The following TMEM267 variants were observed in gnomAD, a reference collection of about 807,000 sequenced individuals.
The protein encoded by TMEM267 is transmembrane protein C5orf28.
A neutral mutation model predicts 19.3 loss-of-function variants in TMEM267; 20 were observed. The observed-to-expected ratio is 1.04, with a 90% CI of 0.73 to 1.51. The LOEUF is 1.51. TMEM267 is among the 40% of genes most tolerant of loss of function. The probability of loss-of-function intolerance (pLI) is 0.00; values close to 1 mark genes in which losing one functional copy is unlikely to be tolerated. For missense variants in TMEM267, 242 were observed against 261.9 expected, an observed-to-expected ratio of 0.92 and a Z score of 0.52; for synonymous variants, 88 against 90.3, an observed-to-expected ratio of 0.97 and a Z score of 0.15.
Position 43,476,508 on chromosome 5 carries a change from C to CTTT in TMEM267, c.-75+7311_-75+7313dup, listed in dbSNP as rs67848213. On this transcript the variant is annotated intron_variant, in intron 1 of 2. Coordinates refer to ENST00000397080, the MANE Select transcript of TMEM267 (RefSeq NM_022483.5). ...ATCCTAACTGATACAAAAGCCAGAC[C>CTTT]TTTTTTTTTTTTTTTTTTTTTTTTT... Among the ~76,000 whole-genome samples, 44 of 54,824 alleles carry CTTT rather than the reference C, an allele frequency of 8.0e-4. 2 individuals carry two copies. The highest frequency in any genetic ancestry group is 1.6e-3 in the African/African-American group (20 of 12,826). The allele number at this position is 54,824 out of a possible 152,430, so 36.0% of individuals were successfully genotyped here.
intron 1 of TMEM267, among the ~76,000 whole-genome samples, chr5:43,479,022 A>G (rs146337731): frequency 1.3e-5 from 2 of 151,212 alleles, no homozygotes; most frequent in African/African-American, 4.8e-5. Flanking sequence ...TAAGGAAATA[A>G]TTAGATAAAT....
chr5:43,462,669 A>C (rs907940981), intron 1 of TMEM267, among the ~76,000 whole-genome samples: 1 of 152,166 alleles, frequency 6.6e-6, no homozygotes, highest in Non-Finnish European at 1.5e-5. Flanking sequence ...ACAGTCATTT[A>C]ATAACAAAAC....
chr5:43,481,565 CTG>C (rs771336150), intron 1 of TMEM267, among the ~76,000 whole-genome samples: 7 of 152,118 alleles, frequency 4.6e-5, no homozygotes, highest in Middle Eastern at 3.2e-3. Flanking sequence ...TTACAAAAAA[CTG>C]TATCACGGTT....
chr5:43,447,894 G>A (rs1742352295), intron 2 of TMEM267, among the ~76,000 whole-genome samples: 1 of 152,158 alleles, frequency 6.6e-6, no homozygotes, highest in African/African-American at 2.4e-5. Context: ...AAGGACTTAA[G>A]AGTGGACCTT....
At chr5:43,480,730 A>G (rs1018420319) in intron 1 of TMEM267, among the ~76,000 whole-genome samples, 2 of 149,092 alleles carry the variant, frequency 1.3e-5, no homozygotes, top group African/African-American at 5.0e-5. Context: ...CCAGTGCATT[A>G]TATTTTCTTT....
chr5:43,475,061 T>C (rs916285992), intron 1 of TMEM267, among the ~76,000 whole-genome samples: 2 of 152,170 alleles, frequency 1.3e-5, no homozygotes, highest in Non-Finnish European at 2.9e-5. Context: ...CATTCTACTA[T>C]AAAGACTCAT....
intron 1 of TMEM267, among the ~76,000 whole-genome samples, chr5:43,479,179 T>C (rs781012596): frequency 2.2e-4 from 33 of 151,932 alleles, no homozygotes; most frequent in Non-Finnish European, 3.7e-4. Context: ...TTTACTGAAA[T>C]AGAAAGATGT....
intron 1 of TMEM267, among the ~76,000 whole-genome samples, chr5:43,456,323 A>G (rs1362912310): frequency 6.6e-6 from 1 of 152,248 alleles, no homozygotes; most frequent in Non-Finnish European, 1.5e-5. Flanking sequence ...AAACATAAAA[A>G]GATAAAATTT....
chr5:43,448,059 G>A (rs1014294730), intron 2 of TMEM267, among the ~76,000 whole-genome samples: 2 of 152,040 alleles, frequency 1.3e-5, no homozygotes, highest in Non-Finnish European at 2.9e-5. Flanking sequence ...ACAATGTTCC[G>A]ACCACATGAA....
In TMEM267 at chr5:43,445,120, T is replaced by C. The variant is rs914875898; in HGVS notation, c.*1102A>G. On this transcript the variant is annotated 3_prime_UTR_variant, in exon 3 of 3. Coordinates refer to ENST00000397080, the MANE Select transcript of TMEM267 (RefSeq NM_022483.5). ...GCAGGTACCTTTAGGGCACTGACTT[T>C]AATAAACTGTGCAAATATAAGATGT... 6.6e-6 allele frequency: 1 copy of C among 152,166 alleles called. No individual in the cohort carries two copies. The highest frequency in any genetic ancestry group is 6.6e-5 in the Admixed American group (1 of 15,266). 9.4% of individuals were successfully genotyped at this position (152,166 alleles called of 1,614,324 possible).
At chr5:43,474,115 C>T (rs1352576826) in intron 1 of TMEM267, among the ~76,000 whole-genome samples, 2 of 152,100 alleles carry the variant, frequency 1.3e-5, no homozygotes, top group Non-Finnish European at 2.9e-5. Context: ...AAAATTAACT[C>T]AAGATGGATT....
chr5:43,456,709 A>T (rs988955898), intron 1 of TMEM267, among the ~76,000 whole-genome samples: 1 of 152,216 alleles, frequency 6.6e-6, no homozygotes, highest in Non-Finnish European at 1.5e-5. Flanking sequence ...TAGATATCAC[A>T]CACCTGTTAA....
intron 1 of TMEM267, among the ~76,000 whole-genome samples, chr5:43,463,146 G>A (rs1161104353): frequency 2.0e-5 from 3 of 152,166 alleles, no homozygotes; most frequent in African/African-American, 4.8e-5. Context: ...TACCATCAGA[G>A]AATACTAGAA....
intron 1 of TMEM267, among the ~76,000 whole-genome samples, chr5:43,472,014 C>T (rs143432603): frequency 0.013 from 1,908 of 151,618 alleles, 41 homozygotes; most frequent in African/African-American, 0.044. Context: ...ACACAGAGAA[C>T]GGGAAAAAAT....
At chr5:43,480,054 T>C in intron 1 of TMEM267, 1 of 271,336 alleles carries the variant, frequency 3.7e-6, no homozygotes, top group Non-Finnish European at 7.1e-6. Flanking sequence ...TGATAAAATG[T>C]CCCTTTCAAC....
intron 2 of TMEM267, among the ~76,000 whole-genome samples, 173 bp from the exon 3 acceptor site, chr5:43,446,730 A>T (rs1479300989): frequency 6.6e-6 from 1 of 152,164 alleles, no homozygotes; most frequent in African/African-American, 2.4e-5. Context: ...AAAAGAATAT[A>T]AAAGTGTGAG....
At chr5:43,472,093 G>GA (rs1227150179) in intron 1 of TMEM267, among the ~76,000 whole-genome samples, 1 of 151,530 alleles carries the variant, frequency 6.6e-6, no homozygotes, top group Non-Finnish European at 1.5e-5. Context: ...TGCTCTATAG[G>GA]AAAAAAAATA....
At chr5:43,464,273 G>A (rs1421510909) in intron 1 of TMEM267, among the ~76,000 whole-genome samples, 4 of 151,902 alleles carry the variant, frequency 2.6e-5, no homozygotes, top group African/African-American at 4.8e-5. Context: ...TCTTCAAGGA[G>A]AACTACAAAC....
chr5:43,478,509 G>A (rs1744563690), intron 1 of TMEM267, among the ~76,000 whole-genome samples: 1 of 152,146 alleles, frequency 6.6e-6, no homozygotes, highest in Non-Finnish European at 1.5e-5. Flanking sequence ...ATATAATAAT[G>A]TAAAGCTTTT....
Sources: gnomAD v4.1 joint callset for allele counts (sites outside exome capture counted in the v4.1 genomes callset) on GRCh38, gnomAD v4.1.1 for gene constraint, MANE v1.5 for transcripts, NCBI Gene and HGNC (gene_info 2026-07-23, HGNC 2026-07-21) for gene names.